DENND2B: variants seen among roughly 807,000 people sequenced by gnomAD.
The protein encoded by DENND2B is DENN domain containing 2B, also known as DENN domain-containing protein 2B.
DENND2B carries 32 observed loss-of-function variants against 116.0 expected under a neutral mutation model. The ratio of observed to expected loss-of-function variants is 0.28; its 90% CI spans 0.21 to 0.37. DENND2B has a LOEUF of 0.37. Ranked by LOEUF, DENND2B falls within the 10% of genes least tolerant of loss-of-function variation. DENND2B has a pLI of 1.00. For missense variants in DENND2B, 1,276 were observed against 1,477.7 expected (o/e 0.86, Z 2.24); for synonymous variants, 588 against 583.9 (o/e 1.01, Z -0.10).
At chr11:8,877,028 A>C (rs1268676490) in intron 2 of DENND2B, among the ~76,000 whole-genome samples, 1 of 151,862 alleles carries the variant, frequency 6.6e-6, no homozygotes, top group African/African-American at 2.4e-5. Flanking sequence ...AGGCTCATCC[A>C]ACCTGGATGG....
intron 19 of DENND2B, among the ~76,000 whole-genome samples, 189 bp from the exon 20 acceptor site, chr11:8,694,319 T>C (rs180840788): frequency 3.3e-5 from 5 of 152,334 alleles, no homozygotes; most frequent in Admixed American, 6.5e-5. Context: ...TATTAATCAC[T>C]GTGTGGTTTT....
intron 2 of DENND2B, among the ~76,000 whole-genome samples, chr11:8,878,008 C>G (rs1230509470): frequency 5.9e-5 from 9 of 152,068 alleles, no homozygotes; most frequent in Non-Finnish European, 2.9e-5. Context: ...GAGATTCTTA[C>G]TAGAATTTAG....
chr11:8,711,928 G>A (rs762334896), intron 9 of DENND2B: 1 of 453,872 alleles, frequency 2.2e-6, no homozygotes, highest in South Asian at 1.6e-5. Context: ...CAGGGGAGGG[G>A]CTCCATGCAG....
chr11:8,789,336 TA>T (rs2059175239), intron 1 of DENND2B, among the ~76,000 whole-genome samples: 1 of 152,180 alleles, frequency 6.6e-6, no homozygotes, highest in South Asian at 2.1e-4. Context: ...GTATTTTCCA[TA>T]ACAAAAAGTT....
intron 4 of DENND2B, among the ~76,000 whole-genome samples, chr11:8,823,903 C>A (rs200978410): frequency 1.6e-5 from 2 of 123,078 alleles, no homozygotes; most frequent in African/African-American, 5.8e-5. Context: ...TCTTCTTCTT[C>A]TTTTTTTTTT....
intron 2 of DENND2B, among the ~76,000 whole-genome samples, chr11:8,877,033 G>A (rs2063850128): frequency 6.6e-6 from 1 of 151,716 alleles, no homozygotes; most frequent in Non-Finnish European, 1.5e-5. Flanking sequence ...CATCCAACCT[G>A]GATGGTCCCC....
chr11:8,708,281 G>T, intron 11 of DENND2B: 1 of 985,428 alleles, frequency 1.0e-6, no homozygotes, highest in South Asian at 4.7e-5. Context: ...GGGCACATTC[G>T]GCATACCATT....
intron 1 of DENND2B, among the ~76,000 whole-genome samples, chr11:8,755,943 A>G (rs776679298): frequency 2.6e-5 from 4 of 152,228 alleles, no homozygotes; most frequent in Non-Finnish European, 4.4e-5. Context: ...AGTGCTTGGC[A>G]TATCATATTG....
At position 8,750,821 on chromosome 11, in the gene DENND2B, G is replaced by A. The variant is rs552654589; in HGVS notation, c.-25-96C>T. On this transcript the variant is annotated intron_variant, in intron 1 of 19. Transcript: ENST00000313726. ...TGACCTCCAAAAGTGCCAAGAGGGTGTCTGTGGCAGGTAGTAGAAACTGCT... is the reference window on the plus strand; with the variant it reads ...TGACCTCCAAAAGTGCCAAGAGGGTATCTGTGGCAGGTAGTAGAAACTGCT... 4.1e-5 allele frequency: 44 copies of A among 1,066,864 alleles called. No homozygotes were observed. In the East Asian group the frequency reaches 1.0e-3, roughly 24 times the overall value. The allele number at this position is 1,066,864 out of a possible 1,614,324, so 66.1% of individuals were successfully genotyped here. A position where few individuals can be genotyped will look rare whatever the true frequency, so the allele number is the denominator to read the frequency against.
intron 1 of DENND2B, among the ~76,000 whole-genome samples, chr11:8,770,072 G>C (rs1340640701): frequency 6.6e-6 from 1 of 152,198 alleles, no homozygotes; most frequent in African/African-American, 2.4e-5. Flanking sequence ...AGCCCACCTT[G>C]TGTAGCTGTG....
chr11:8,783,676 G>GA (rs1176452608), intron 1 of DENND2B, among the ~76,000 whole-genome samples: 1 of 151,994 alleles, frequency 6.6e-6, no homozygotes, highest in Non-Finnish European at 1.5e-5. Flanking sequence ...TCTTTTATTA[G>GA]AAAAATCAAT....
At chr11:8,852,136 G>T (rs1358173410) in intron 3 of DENND2B, among the ~76,000 whole-genome samples, 1 of 152,194 alleles carries the variant, frequency 6.6e-6, no homozygotes, top group Non-Finnish European at 1.5e-5. Context: ...GAGGGCAAGA[G>T]ACTATCAAGT....
chr11:8,836,788 C>T (rs56109855), intron 4 of DENND2B, among the ~76,000 whole-genome samples: 10 of 152,302 alleles, frequency 6.6e-5, no homozygotes, highest in Non-Finnish European at 1.3e-4. Flanking sequence ...GATCTCAGCT[C>T]ACTGCAGTCT....
Position 8,714,719 on chromosome 11 carries a change from A to C in DENND2B, c.1846-13T>G. 1 of 1,612,810 alleles carries C rather than the reference A, an allele frequency of 6.2e-7. No individual in the cohort carries two copies. The highest frequency in any genetic ancestry group is 8.5e-7 in the Non-Finnish European group (1 of 1,178,882). On this transcript the variant is annotated splice_polypyrimidine_tract_variant and intron_variant, in intron 6 of 19. Transcript: ENST00000313726. The stretch of plus-strand genomic sequence containing the variant: ...TTCTTTGGACAAGCTGGGTGAGAAA[A>C]GCAGGATGGGTGAGGTAACCTTAAC...
At chr11:8,695,629 G>C (rs1233736403) in intron 18 of DENND2B, 80 bp from the exon 19 acceptor site, 2 of 1,185,116 alleles carry the variant, frequency 1.7e-6, no homozygotes, top group Admixed American at 4.0e-5. Flanking sequence ...GGGAACCATG[G>C]AGCACAGATG....
At position 8,717,858 on chromosome 11, in the gene DENND2B, C is replaced by T; in HGVS notation, c.1512G>A (p.Val504=). 6.2e-7 allele frequency: 1 copy of T among 1,613,088 alleles called. No individual in the cohort carries two copies. Among genetic ancestry groups the T allele is most frequent in the Non-Finnish European group, 8.5e-7 (1 of 1,179,484 alleles). ...DLPKENPYED[V]DLKSRRAGRK... is the part of the protein sequence containing the mutation. ...GTCCTGCTCTTCGGCTCTTTAAGTC[C>T]ACATCCTCATATGGATTCTCCTTGG... Residue 504 remains valine (V), a synonymous_variant, in exon 5 of 20, where the codon GTG becomes GTA. Coordinates refer to ENST00000313726, the MANE Select transcript of DENND2B (RefSeq NM_213618.2).
At chr11:8,868,912 T>C (rs539285126) in intron 2 of DENND2B, among the ~76,000 whole-genome samples, 1 of 152,336 alleles carries the variant, frequency 6.6e-6, no homozygotes, top group Admixed American at 6.5e-5. Context: ...CTGCGGCCCA[T>C]GGGCCGCCCA....
chr11:8,765,451 T>A (rs1245486007), intron 1 of DENND2B, among the ~76,000 whole-genome samples: 1 of 152,246 alleles, frequency 6.6e-6, no homozygotes, highest in Non-Finnish European at 1.5e-5. Context: ...GTTCACAGCT[T>A]CAACAACAGA....
At chr11:8,701,131 C>T (rs2041518291) in intron 14 of DENND2B, among the ~76,000 whole-genome samples, 2 of 152,274 alleles carry the variant, frequency 1.3e-5, no homozygotes, top group South Asian at 4.1e-4. Flanking sequence ...GAAAGAAAGC[C>T]CCGGCTCTTA....
Sources: gnomAD v4.1 joint callset for allele counts (sites outside exome capture counted in the v4.1 genomes callset) on GRCh38, gnomAD v4.1.1 for gene constraint, MANE v1.5 for transcripts, NCBI Gene and HGNC (gene_info 2026-07-23, HGNC 2026-07-21) for gene names.